The following CNTNAP4 variants were observed in gnomAD, a reference collection of about 807,000 sequenced individuals.
CNTNAP4 encodes contactin-associated protein-like 4.
A neutral mutation model predicts 148.4 loss-of-function variants in CNTNAP4; 98 were observed. The ratio of observed to expected loss-of-function variants is 0.66; its 90% CI spans 0.56 to 0.78. The LOEUF (loss-of-function observed/expected upper bound fraction) is 0.78, where lower values mean the gene tolerates loss of function less well. Ranked by LOEUF, CNTNAP4 falls within the 30% of genes least tolerant of loss-of-function variation. The pLI is 0.00. For synonymous variants in CNTNAP4, 730 were observed against 565.1 expected, an observed-to-expected ratio of 1.29 and a Z score of -4.14; for missense variants, 1,935 against 1,565.6, an observed-to-expected ratio of 1.24 and a Z score of -3.98.
At chr16:76,367,010 CAATAAT>C (rs2014220772) in intron 3 of CNTNAP4, among the ~76,000 whole-genome samples, 2 of 151,554 alleles carry the variant, frequency 1.3e-5, no homozygotes. Context: ...TTAGCAAAAA[CAATAAT>C]GGTAAGGAGA....
At chr16:76,471,576 G>C (rs2081378316) in intron 10 of CNTNAP4, among the ~76,000 whole-genome samples, 1 of 152,034 alleles carries the variant, frequency 6.6e-6, no homozygotes, top group South Asian at 2.1e-4. Flanking sequence ...CAGCCTCCAT[G>C]GCACCGTCCT....
chr16:76,449,787 G>C lies in CNTNAP4; in HGVS notation c.1000G>C (p.Glu334Gln), dbSNP rs2080387133. The stretch of plus-strand genomic sequence containing the variant: ...ACATAGAAATTTTCATGGATGTTTA[G>C]AAAATCTCTATTATAATGGAGTGGA... ...FPHRNFHGCL[E>Q]NLYYNGVDII... The change falls in exon 7 of 24, where the codon GAA (glutamate) becomes CAA (glutamine). Residue 334 changes from glutamate to glutamine, a missense_variant. Transcript: ENST00000611870. 1 of 1,600,648 alleles carries C rather than the reference G, an allele frequency of 6.2e-7. No homozygotes were observed. Among genetic ancestry groups the C allele is most frequent in the Non-Finnish European group, 8.5e-7 (1 of 1,173,056 alleles).
At chr16:76,414,700 C>G (rs919103405) in intron 3 of CNTNAP4, among the ~76,000 whole-genome samples, 1 of 151,354 alleles carries the variant, frequency 6.6e-6, no homozygotes, top group Admixed American at 6.6e-5. Context: ...TGTAATCTAA[C>G]AGATGTGGGC....
At chr16:76,384,681 C>T (rs921557678) in intron 3 of CNTNAP4, among the ~76,000 whole-genome samples, 2 of 152,090 alleles carry the variant, frequency 1.3e-5, no homozygotes, top group Non-Finnish European at 2.9e-5. Flanking sequence ...TTGGAAGTGG[C>T]CTTGTTATTA....
intron 21 of CNTNAP4, 118 bp from the exon 22 acceptor site, chr16:76,553,165 T>C (rs2085031558): frequency 6.7e-6 from 4 of 592,944 alleles, no homozygotes; most frequent in South Asian, 2.7e-5. Context: ...AAAGATAAAA[T>C]TAAAAAGGAA....
intron 10 of CNTNAP4, among the ~76,000 whole-genome samples, chr16:76,474,735 T>A (rs776539855): frequency 6.6e-6 from 1 of 152,284 alleles, no homozygotes; most frequent in South Asian, 2.1e-4. Flanking sequence ...CTTTCCAAAC[T>A]TTTTCATCTA....
intron 3 of CNTNAP4, among the ~76,000 whole-genome samples, chr16:76,405,585 A>T (rs576914068): frequency 6.6e-6 from 1 of 152,234 alleles, no homozygotes; most frequent in Admixed American, 6.5e-5. Context: ...GAAGAGAAAA[A>T]ATACTTACTC....
intron 17 of CNTNAP4, among the ~76,000 whole-genome samples, chr16:76,531,008 A>G (rs1247808348): frequency 6.6e-6 from 1 of 152,168 alleles, no homozygotes; most frequent in Non-Finnish European, 1.5e-5. Context: ...TTTGTGGTTG[A>G]GGCTTTGCCT....
intron 2 of CNTNAP4, among the ~76,000 whole-genome samples, chr16:76,350,097 G>T (rs2144442719): frequency 6.6e-6 from 1 of 152,032 alleles, no homozygotes; most frequent in South Asian, 2.1e-4. Flanking sequence ...GATTCAGCCA[G>T]CCAGGTAATT....
intron 3 of CNTNAP4, among the ~76,000 whole-genome samples, chr16:76,360,674 G>T (rs578092578): frequency 6.6e-6 from 1 of 152,294 alleles, no homozygotes; most frequent in East Asian, 1.9e-4. Flanking sequence ...TCAAGAGACT[G>T]ATCCAAAACA....
intron 1 of CNTNAP4, among the ~76,000 whole-genome samples, chr16:76,285,905 C>A (rs952211642): frequency 6.6e-6 from 1 of 151,806 alleles, no homozygotes; most frequent in African/African-American, 2.4e-5. Flanking sequence ...CCCACATTTT[C>A]CCATCAATAT....
chr16:76,535,754 T>A lies in CNTNAP4; in HGVS notation c.2965T>A (p.Ser989Thr). Reference sequence around the variant, plus strand: ...TGGGTTCTTTTGTGACTGCACTTTCTCTGCATACACAGGGCCATTCTGCTC... The same window carrying A: ...TGGGTTCTTTTGTGACTGCACTTTCACTGCATACACAGGGCCATTCTGCTC... The part of the protein sequence containing the change: ...PIGFFCDCTF[S>T]AYTGPFCSNE... Residue 989 changes from serine to threonine, a missense_variant, in exon 18 of 24, where the codon TCT (serine) becomes ACT (threonine). Coordinates refer to ENST00000611870, the MANE Select transcript of CNTNAP4 (RefSeq NM_033401.5). 4.3e-6 allele frequency: 7 copies of A among 1,613,930 alleles called. No individual in the cohort carries two copies. The highest frequency in any genetic ancestry group is 4.2e-6 in the Non-Finnish European group (5 of 1,179,860).
intron 12 of CNTNAP4, among the ~76,000 whole-genome samples, chr16:76,488,390 C>G (rs2082099165): frequency 6.6e-6 from 1 of 152,108 alleles, no homozygotes; most frequent in Non-Finnish European, 1.5e-5. Flanking sequence ...AAAATAACAG[C>G]TATTGTTTCG....
At chr16:76,469,241 A>G (rs978915070) in intron 10 of CNTNAP4, among the ~76,000 whole-genome samples, 1 of 152,244 alleles carries the variant, frequency 6.6e-6, no homozygotes, top group Non-Finnish European at 1.5e-5. Flanking sequence ...TATATAATGA[A>G]AGATGATATG....
intron 3 of CNTNAP4, among the ~76,000 whole-genome samples, chr16:76,355,787 T>C (rs991047323): frequency 1.3e-5 from 2 of 149,168 alleles, no homozygotes; most frequent in African/African-American, 4.9e-5. Flanking sequence ...AAGAAATAAA[T>C]AAGACTTGTA....
Position 76,521,218 on chromosome 16 carries a change from C to G in CNTNAP4, c.2444C>G (p.Ala815Gly), listed in dbSNP as rs377030540. The change falls in exon 16 of 24, where the codon GCG (alanine) becomes GGG (glycine). Residue 815 changes from alanine (A) to glycine (G), a missense_variant. Ala to Gly is a moderately conservative substitution (Grantham distance 60). Coordinates refer to ENST00000611870, the MANE Select transcript of CNTNAP4 (RefSeq NM_033401.5). The stretch of plus-strand genomic sequence containing the variant: ...CCTACCTTCCACGGAGAACTTAGCG[C>G]GGATGTATCTTTCTTTTTTAAGACA... ...HFPTFHGELS[A>G]DVSFFFKTTA... The G allele has an allele frequency of 5.0e-6, 8 of 1,611,744 alleles. No individual in the cohort carries two copies. Among genetic ancestry groups the G allele is most frequent in the Non-Finnish European group, 6.8e-6 (8 of 1,179,132 alleles).
intron 15 of CNTNAP4, among the ~76,000 whole-genome samples, chr16:76,518,035 T>A (rs191091737): frequency 6.6e-6 from 1 of 152,284 alleles, no homozygotes. Flanking sequence ...CATCTTCCTC[T>A]TTTACGTGAA....
chr16:76,356,634 C>G (rs1406759127), intron 3 of CNTNAP4, among the ~76,000 whole-genome samples: 1 of 147,724 alleles, frequency 6.8e-6, no homozygotes, highest in East Asian at 1.9e-4. Flanking sequence ...GTACTGCAAT[C>G]AAAGAACTAT....
At chr16:76,290,614 G>A (rs1310967976) in intron 1 of CNTNAP4, among the ~76,000 whole-genome samples, 2 of 152,126 alleles carry the variant, frequency 1.3e-5, no homozygotes, top group Admixed American at 1.3e-4. Flanking sequence ...AGGGTAAGTG[G>A]TTGAAACAGC....
Sources: allele counts gnomAD v4.1 joint callset (sites outside exome capture counted in the v4.1 genomes callset), GRCh38; gene constraint gnomAD v4.1.1; transcripts MANE v1.5; gene names NCBI Gene and HGNC (gene_info 2026-07-23, HGNC 2026-07-21).